GEMIN5: variants seen among roughly 807,000 people sequenced by gnomAD.
GEMIN5 encodes the protein gem nuclear organelle associated protein 5, also known as gem-associated protein 5.
Under a neutral mutation model 176.9 loss-of-function variants are expected in GEMIN5, and 124 were observed. The observed-to-expected ratio is 0.70, with a 90% confidence interval of 0.61 to 0.81. GEMIN5 has a LOEUF of 0.81. GEMIN5 is among the 40% of genes least tolerant of loss of function. GEMIN5 has a pLI of 0.00. For synonymous variants in GEMIN5, 673 were observed against 665.2 expected (o/e 1.01, Z -0.18); for missense variants, 1,843 against 1,814.6 (o/e 1.02, Z -0.28).
chr5:154,908,686 T>C lies in GEMIN5; in HGVS notation c.2168-868A>G, dbSNP rs551193200. On this transcript the variant is annotated intron_variant, in intron 15 of 27. Coordinates refer to ENST00000285873, the MANE Select transcript of GEMIN5 (RefSeq NM_015465.5). ...AGGTCTGCCAGATGTTTTTCATGACTAGATTTAGGGTATGCATCTTTAGCT... is the reference window on the plus strand; with the variant it reads ...AGGTCTGCCAGATGTTTTTCATGACCAGATTTAGGGTATGCATCTTTAGCT... 9.2e-5 allele frequency among the ~76,000 whole-genome samples: 14 copies of C among 152,364 alleles called. No homozygotes were observed. The South Asian group carries it at 1.0e-3, about 11-fold the overall frequency.
intron 9 of GEMIN5, among the ~76,000 whole-genome samples, chr5:154,922,782 C>T (rs1026955966): frequency 7.5e-5 from 7 of 93,412 alleles, no homozygotes; most frequent in South Asian, 4.2e-4. Flanking sequence ...CCGCAACCTC[C>T]GCCTCCTGGG....
intron 24 of GEMIN5, among the ~76,000 whole-genome samples, chr5:154,893,738 C>A (rs904815299): frequency 1.3e-5 from 2 of 151,798 alleles, no homozygotes; most frequent in African/African-American, 2.4e-5. Flanking sequence ...CACCGATATT[C>A]TTCTTCTTCT....
At chr5:154,909,306 T>C (rs1582661307) in intron 15 of GEMIN5, among the ~76,000 whole-genome samples, 1 of 151,900 alleles carries the variant, frequency 6.6e-6, no homozygotes, top group South Asian at 2.1e-4. Context: ...TCACTCTACA[T>C]TCTACCACAA....
chr5:154,900,316 G>T (rs1487128008), intron 21 of GEMIN5, among the ~76,000 whole-genome samples: 1 of 152,150 alleles, frequency 6.6e-6, no homozygotes, highest in East Asian at 1.9e-4. Flanking sequence ...TGGGAAAAAA[G>T]TGTTTTATTA....
intron 9 of GEMIN5, among the ~76,000 whole-genome samples, chr5:154,922,190 C>T (rs1263083547): frequency 3.3e-5 from 5 of 152,120 alleles, no homozygotes; most frequent in African/African-American, 9.7e-5. Context: ...GTTTTAGAGA[C>T]GGAGTCTCGC....
Position 154,921,433 on chromosome 5 carries a change from A to C in GEMIN5, c.1380-8T>G. ...CTAGAAATCTGTGGAGGCCTTTAGAAGAGCAGGGAGAGAGAACAAATGGAG... is the reference window on the plus strand; with the variant it reads ...CTAGAAATCTGTGGAGGCCTTTAGACGAGCAGGGAGAGAGAACAAATGGAG... On this transcript the variant is annotated splice_region_variant and splice_polypyrimidine_tract_variant and intron_variant, in intron 9 of 27. Coordinates refer to ENST00000285873, the MANE Select transcript of GEMIN5 (RefSeq NM_015465.5). 1 of 1,232,234 alleles carries C rather than the reference A, an allele frequency of 8.1e-7. No homozygotes were observed. Among genetic ancestry groups the C allele is most frequent in the Non-Finnish European group, 1.2e-6 (1 of 860,772 alleles). 76.3% of individuals were successfully genotyped at this position (1,232,234 alleles called of 1,614,324 possible). A position where few individuals can be genotyped will look rare whatever the true frequency, so the allele number is the denominator to read the frequency against.
chr5:154,904,692 C>G, intron 17 of GEMIN5, 63 bp from the exon 18 acceptor site: 8 of 1,333,838 alleles, frequency 6.0e-6, no homozygotes, highest in Non-Finnish European at 8.6e-6. Context: ...AAACGGAATG[C>G]CTATTGTGTG....
chr5:154,895,106 A>G (rs974295370), intron 24 of GEMIN5, among the ~76,000 whole-genome samples: 1 of 152,050 alleles, frequency 6.6e-6, no homozygotes, highest in Non-Finnish European at 1.5e-5. Context: ...AAAGGAAAAA[A>G]GAAAAGAAAA....
chr5:154,937,797 T>C lies in GEMIN5; in HGVS notation c.166+171A>G, dbSNP rs370443915. The stretch of plus-strand genomic sequence containing the variant: ...GGGACCGCTCGGCCACAGCATGGTG[T>C]AGCTCATTAGGAGACCAGAAGCAAC... On this transcript the variant is annotated intron_variant, in intron 1 of 27. Coordinates refer to ENST00000285873, the MANE Select transcript of GEMIN5 (RefSeq NM_015465.5). 3.5e-4 allele frequency among the ~76,000 whole-genome samples: 54 copies of C among 152,292 alleles called. No homozygotes were observed. The East Asian group carries it at 9.9e-3, about 28-fold the overall frequency.
At position 154,888,378 on chromosome 5, in the gene GEMIN5, C is replaced by G; in HGVS notation, c.4360-1G>C. ...CCAGCACATCTGGGAAGGGCCAGGC[C>G]TGAAAGACGATGACATGAGGATGAA... On this transcript the variant is annotated splice_acceptor_variant, in intron 27 of 27. Coordinates refer to ENST00000285873, the MANE Select transcript of GEMIN5 (RefSeq NM_015465.5). LOFTEE classifies it high-confidence loss of function. 1 of 1,612,032 alleles carries G rather than the reference C, an allele frequency of 6.2e-7. No homozygotes were observed. Among genetic ancestry groups the G allele is most frequent in the Non-Finnish European group, 8.5e-7 (1 of 1,179,134 alleles).
At chr5:154,924,850 G>C (rs941322170) in intron 8 of GEMIN5, among the ~76,000 whole-genome samples, 1 of 151,738 alleles carries the variant, frequency 6.6e-6, no homozygotes, top group African/African-American at 2.4e-5. Flanking sequence ...TTAGCCAGGC[G>C]TGGTGGCGGG....
intron 16 of GEMIN5, among the ~76,000 whole-genome samples, chr5:154,906,266 G>C (rs1012656033): frequency 6.6e-6 from 1 of 152,150 alleles, no homozygotes; most frequent in African/African-American, 2.4e-5. Flanking sequence ...ATAGTGCTGG[G>C]ATTACAGGCA....
In GEMIN5 at chr5:154,898,444, A is replaced by G. The variant is rs1561711331; in HGVS notation, c.3341T>C (p.Leu1114Pro). The change falls in exon 23 of 28, where the codon CTA becomes CCA. Residue 1114 changes from leucine (L) to proline (P), a missense_variant. Coordinates refer to ENST00000285873, the MANE Select transcript of GEMIN5 (RefSeq NM_015465.5). ...AQEALQLHESLQGQRLVFCLL... is the reference protein window; with the variant it reads ...AQEALQLHESPQGQRLVFCLL... ...GAGATGAAATAACAGACTGACCTGT[A>G]GACTTTCATGCAGCTGCAGGGCTTC... 1.2e-6 allele frequency: 2 copies of G among 1,612,156 alleles called. No individual in the cohort carries two copies. Among genetic ancestry groups the G allele is most frequent in the South Asian group, 1.1e-5 (1 of 91,048 alleles).
intron 9 of GEMIN5, among the ~76,000 whole-genome samples, chr5:154,921,878 C>T (rs1763930994): frequency 6.6e-6 from 1 of 152,050 alleles, no homozygotes; most frequent in Non-Finnish European, 1.5e-5. Flanking sequence ...TTAAAGAAGG[C>T]GTACTCCTAA....
At chr5:154,900,785 A>T (rs531258234) in intron 21 of GEMIN5, among the ~76,000 whole-genome samples, 15 of 152,328 alleles carry the variant, frequency 9.8e-5, no homozygotes, top group African/African-American at 3.6e-4. Flanking sequence ...AGGTAACTGT[A>T]AGCTGAACAA....
intron 19 of GEMIN5, 74 bp from the exon 20 acceptor site, chr5:154,902,750 A>C: frequency 6.8e-7 from 1 of 1,467,222 alleles, no homozygotes; most frequent in South Asian, 1.2e-5. Context: ...AAAGAAAGGC[A>C]AGATAGAAGA....
At chr5:154,897,552 A>T (rs1763375435) in intron 23 of GEMIN5, among the ~76,000 whole-genome samples, 1 of 152,188 alleles carries the variant, frequency 6.6e-6, no homozygotes, top group Non-Finnish European at 1.5e-5. Context: ...CAGTGACACA[A>T]TCTTGGTTCA....
rs753554354 is a variant in GEMIN5 at position 154,901,544 on chromosome 5, C to G, written c.2867-58G>C. ...AGTTGAAGAAAAAGTAAAAACAATACCCAGTACATTTGGGTTGAAAAAGCC... is the reference window on the plus strand; with the variant it reads ...AGTTGAAGAAAAAGTAAAAACAATAGCCAGTACATTTGGGTTGAAAAAGCC... On this transcript the variant is annotated intron_variant, in intron 20 of 27. Transcript: ENST00000285873. 802 of 1,545,322 alleles carry G rather than the reference C, an allele frequency of 5.2e-4. 1 individual carries two copies. Among genetic ancestry groups the G allele is most frequent in the Non-Finnish European group, 5.7e-4 (636 of 1,121,152 alleles).
chr5:154,891,125 G>C, intron 26 of GEMIN5, 116 bp downstream of exon 26: 1 of 851,220 alleles, frequency 1.2e-6, no homozygotes, highest in Non-Finnish European at 1.8e-6. Flanking sequence ...TGAACTCCTG[G>C]GCCAAGTGAT....
Sources: gnomAD v4.1 joint callset for allele counts (sites outside exome capture counted in the v4.1 genomes callset) on GRCh38, gnomAD v4.1.1 for gene constraint, MANE v1.5 for transcripts, NCBI Gene and HGNC (gene_info 2026-07-23, HGNC 2026-07-21) for gene names.